EPHA6: variants seen among roughly 807,000 people sequenced by gnomAD.
EPHA6 encodes the protein ephrin type-A receptor 6.
EPHA6 carries 50 observed loss-of-function variants against 112.0 expected under a neutral mutation model. The ratio of observed to expected loss-of-function variants is 0.45; its 90% CI spans 0.36 to 0.56. The LOEUF (loss-of-function observed/expected upper bound fraction) is 0.56. Among genes scored for constraint, EPHA6 ranks in the 20% least tolerant of loss-of-function variants. The pLI is 0.00. For synonymous variants in EPHA6, 529 were observed against 490.7 expected, an observed-to-expected ratio of 1.08 and a Z score of -1.03; for missense variants, 1,280 against 1,417.4, an observed-to-expected ratio of 0.90 and a Z score of 1.56.
intron 11 of EPHA6, chr3:97,572,788 T>G (rs2093347284): frequency 6.6e-6 from 1 of 152,228 alleles, no homozygotes; most frequent in Admixed American, 6.5e-5. Context: ...TGTTATACCT[T>G]TCTTATATGT....
intron 3 of EPHA6, among the ~76,000 whole-genome samples, chr3:97,121,979 A>ATGTG (rs1426506241): frequency 2.0e-5 from 3 of 152,078 alleles, no homozygotes; most frequent in Non-Finnish European, 4.4e-5. Flanking sequence ...CAGGGAATTT[A>ATGTG]TAACCACTTG....
chr3:97,491,139 C>T (rs28465592), intron 10 of EPHA6, among the ~76,000 whole-genome samples: 2,333 of 152,188 alleles, frequency 0.015, 78 homozygotes, highest in African/African-American at 0.053. Flanking sequence ...TTCTATTGAC[C>T]ATAAATATGA....
chr3:97,246,217 C>T (rs1054390514), intron 5 of EPHA6, among the ~76,000 whole-genome samples: 26 of 151,986 alleles, frequency 1.7e-4, no homozygotes, highest in African/African-American at 6.0e-4. Context: ...ATTGCCTCAA[C>T]CTTATCAAAA....
At chr3:96,995,092 T>TA (rs1158691131) in intron 3 of EPHA6, among the ~76,000 whole-genome samples, 1 of 152,064 alleles carries the variant, frequency 6.6e-6, no homozygotes, top group African/African-American at 2.4e-5. Context: ...ACAGGGCCTT[T>TA]AGTGACATTG....
At chr3:97,334,403 T>C (rs2082951725) in intron 5 of EPHA6, among the ~76,000 whole-genome samples, 1 of 151,950 alleles carries the variant, frequency 6.6e-6, no homozygotes, top group Non-Finnish European at 1.5e-5. Flanking sequence ...TTAGTAGAAT[T>C]CCCCAGTGAA....
At chr3:96,903,421 A>C (rs77556165) in intron 2 of EPHA6, among the ~76,000 whole-genome samples, 3,047 of 152,242 alleles carry the variant, frequency 0.02, 99 homozygotes, top group African/African-American at 0.07. Flanking sequence ...CACCCTTAAA[A>C]TGTGTAATTT....
At chr3:97,717,893 A>T (rs2107786170) in intron 14 of EPHA6, among the ~76,000 whole-genome samples, 1 of 152,360 alleles carries the variant, frequency 6.6e-6, no homozygotes, top group Admixed American at 6.5e-5. Flanking sequence ...ATGAAATATC[A>T]TTTATAGGTG....
intron 3 of EPHA6, among the ~76,000 whole-genome samples, chr3:97,184,767 AGC>A (rs1208565095): frequency 6.6e-6 from 1 of 152,242 alleles, no homozygotes; most frequent in East Asian, 1.9e-4. Flanking sequence ...GTCAATCCTA[AGC>A]CAAAAGAACA....
intron 2 of EPHA6, among the ~76,000 whole-genome samples, chr3:96,919,003 G>A (rs2039624472): frequency 6.6e-6 from 1 of 151,854 alleles, no homozygotes; most frequent in African/African-American, 2.4e-5. Flanking sequence ...TCATAATTGA[G>A]TATTTTATAG....
chr3:97,753,377 A>T lies in EPHA6; in HGVS notation c.*4676A>T, dbSNP rs1278241125. On this transcript the variant is annotated 3_prime_UTR_variant, in exon 18 of 18. Transcript: ENST00000389672. ...AGGATCTTCGTCCAGTGTGAATTGG[A>T]TTTGCAATTCTAATTCAAATGGAAA... is the stretch of plus-strand genomic sequence containing the variant. 6.6e-6 allele frequency among the ~76,000 whole-genome samples: 1 copy of T among 152,178 alleles called. No individual in the cohort carries two copies. Among genetic ancestry groups the T allele is most frequent in the Non-Finnish European group, 1.5e-5 (1 of 68,030 alleles).
intron 1 of EPHA6, among the ~76,000 whole-genome samples, chr3:96,858,061 G>A (rs2035798617): frequency 6.6e-6 from 1 of 151,862 alleles, no homozygotes; most frequent in South Asian, 2.1e-4. Context: ...AAGGGGGTGG[G>A]GGAATCAAAG....
At chr3:97,216,822 G>A (rs1022151127) in intron 3 of EPHA6, among the ~76,000 whole-genome samples, 1 of 152,122 alleles carries the variant, frequency 6.6e-6, no homozygotes, top group African/African-American at 2.4e-5. Flanking sequence ...ATTTAAATAT[G>A]TATTTGAGAA....
At position 97,479,322 on chromosome 3, in the gene EPHA6, A is replaced by C. The variant is rs751255471; in HGVS notation, c.2032A>C (p.Lys678Gln). 1 of 1,603,568 alleles carries C rather than the reference A, an allele frequency of 6.2e-7. No individual in the cohort carries two copies. Among genetic ancestry groups the C allele is most frequent in the Non-Finnish European group, 8.5e-7 (1 of 1,176,660 alleles). ...TCAGTGGTACATAAAAGCCAAGATG[A>C]AGTCAGAAGAGAAGAGAAGAAACCA... The part of the protein sequence containing the change: ...RCQWYIKAKM[K>Q]SEEKRRNHLQ... Residue 678 changes from lysine to glutamine, a missense_variant, in exon 9 of 18, where the codon AAG (lysine) becomes CAG (glutamine). Coordinates refer to ENST00000389672, the MANE Select transcript of EPHA6 (RefSeq NM_001080448.3).
intron 5 of EPHA6, among the ~76,000 whole-genome samples, chr3:97,262,223 A>G (rs1333725142): frequency 6.6e-6 from 1 of 152,144 alleles, no homozygotes; most frequent in Non-Finnish European, 1.5e-5. Context: ...CAAGTCTCTC[A>G]CCACAATGTC....
chr3:96,978,445 T>A (rs928303004), intron 2 of EPHA6, among the ~76,000 whole-genome samples: 2 of 152,218 alleles, frequency 1.3e-5, no homozygotes, highest in Non-Finnish European at 2.9e-5. Context: ...ATATAATTTT[T>A]ATACCTACTA....
intron 5 of EPHA6, among the ~76,000 whole-genome samples, chr3:97,306,888 ATTT>A (rs565998568): frequency 1.4e-5 from 2 of 140,938 alleles, no homozygotes; most frequent in African/African-American, 5.2e-5. Context: ...TGTCACCTAC[ATTT>A]TTTTTTTTTT....
chr3:97,478,754 T>G (rs1160197921), intron 8 of EPHA6, among the ~76,000 whole-genome samples: 1 of 152,112 alleles, frequency 6.6e-6, no homozygotes, highest in Non-Finnish European at 1.5e-5. Flanking sequence ...CAGACGTACT[T>G]TGTTTAGCCA....
At chr3:96,853,086 A>G (rs1315910822) in intron 1 of EPHA6, among the ~76,000 whole-genome samples, 5 of 152,122 alleles carry the variant, frequency 3.3e-5, no homozygotes, top group Admixed American at 3.3e-4. Flanking sequence ...GTCTTGGCCT[A>G]TAGAGGCTTC....
chr3:97,019,082 T>G (rs1364519615), intron 3 of EPHA6, among the ~76,000 whole-genome samples: 1 of 152,148 alleles, frequency 6.6e-6, no homozygotes, highest in Non-Finnish European at 1.5e-5. Context: ...AGTATTGGAG[T>G]AAAGAGTAAT....
Sources: allele counts gnomAD v4.1 joint callset (sites outside exome capture counted in the v4.1 genomes callset), GRCh38; gene constraint gnomAD v4.1.1; transcripts MANE v1.5; gene names NCBI Gene and HGNC (gene_info 2026-07-23, HGNC 2026-07-21).